Variants in TNKS observed in about 807,000 individuals in gnomAD.
The protein encoded by TNKS is poly [ADP-ribose] polymerase tankyrase-1.
Under a neutral mutation model 135.8 loss-of-function variants are expected in TNKS, and 72 were observed. The ratio of observed to expected loss-of-function variants is 0.53; its 90% confidence interval spans 0.44 to 0.64. The LOEUF is 0.64. TNKS is among the 30% of genes least tolerant of loss of function. TNKS has a pLI of 0.00. For missense variants in TNKS, 1,769 were observed against 1,674.0 expected (o/e 1.06, Z -0.99); for synonymous variants, 849 against 649.3 (o/e 1.31, Z -4.68).
chr8:9,712,336 C>T (rs376541190), intron 11 of TNKS, among the ~76,000 whole-genome samples: 14 of 151,806 alleles, frequency 9.2e-5, no homozygotes, highest in East Asian at 7.8e-4. Flanking sequence ...AAAAATTAGC[C>T]AGTCGTGGTG....
intron 1 of TNKS, among the ~76,000 whole-genome samples, chr8:9,568,061 G>A (rs4604434): frequency 0.034 from 5,117 of 152,264 alleles, 232 homozygotes; most frequent in African/African-American, 0.11. Flanking sequence ...AATCTCTGCA[G>A]TTATGTTGAG....
At chr8:9,656,846 C>T (rs1332751800) in intron 3 of TNKS, among the ~76,000 whole-genome samples, 5 of 140,458 alleles carry the variant, frequency 3.6e-5, no homozygotes, top group African/African-American at 5.4e-5. Flanking sequence ...TGCCTTCAAG[C>T]ATCTGTTTAA....
At chr8:9,632,048 C>T (rs529790823) in intron 3 of TNKS, among the ~76,000 whole-genome samples, 1 of 152,084 alleles carries the variant, frequency 6.6e-6, no homozygotes, top group South Asian at 2.1e-4. Context: ...GTTTGTATTC[C>T]CTGAAAGCTT....
chr8:9,773,280 A>G (rs1808044411), intron 26 of TNKS, among the ~76,000 whole-genome samples: 1 of 152,046 alleles, frequency 6.6e-6, no homozygotes, highest in Non-Finnish European at 1.5e-5. Context: ...AAGCAAAAGC[A>G]GAATTGTTAA....
chr8:9,717,103 T>TATATATATATTTA lies in TNKS; in HGVS notation c.1750-3271_1750-3270insATATATATATTTA, dbSNP rs1554476739. 6.9e-4 allele frequency among the ~76,000 whole-genome samples: 27 copies of TATATATATATTTA among 39,320 alleles called. 2 individuals are homozygous for TATATATATATTTA. The highest frequency in any genetic ancestry group is 6.7e-3 in the South Asian group (8 of 1,196). 25.8% of individuals were successfully genotyped at this position (39,320 alleles called of 152,430 possible). A position where few individuals can be genotyped will look rare whatever the true frequency, so the allele number is the denominator to read the frequency against. On this transcript the variant is annotated intron_variant, in intron 11 of 26. Coordinates refer to ENST00000310430, the MANE Select transcript of TNKS (RefSeq NM_003747.3). ...TATATATATATATATATATATATATTTTCAGGGAATTTGATTGTTTCTTTT... is the reference window on the plus strand; with the variant it reads ...TATATATATATATATATATATATATTATATATATATTTATTCAGGGAATTTGATTGTTTCTTTT...
intron 3 of TNKS, among the ~76,000 whole-genome samples, chr8:9,626,779 T>C (rs1422763968): frequency 6.6e-6 from 1 of 152,246 alleles, no homozygotes; most frequent in Admixed American, 6.5e-5. Flanking sequence ...TTGCTGCCTC[T>C]CCTGTCAGTG....
At position 9,662,496 on chromosome 8, in the gene TNKS, C is replaced by CA. The variant is rs1470192636; in HGVS notation, c.995-17449dup. Among the ~76,000 whole-genome samples the CA allele has an allele frequency of 2.0e-5, 3 of 152,034 alleles. No homozygotes were observed. In the East Asian group the frequency reaches 5.8e-4, roughly 30 times the overall value. Reference sequence around the variant, plus strand: ...CATTCTCAGCAAACTATCGCAAGGACAAAAAACCAAACACCGTATGTTCTG... The same window carrying CA: ...CATTCTCAGCAAACTATCGCAAGGACAAAAAAACCAAACACCGTATGTTCTG... On this transcript the variant is annotated intron_variant, in intron 3 of 26. Coordinates refer to ENST00000310430, the MANE Select transcript of TNKS (RefSeq NM_003747.3).
intron 5 of TNKS, among the ~76,000 whole-genome samples, chr8:9,688,089 G>C (rs1803093169): frequency 1.3e-5 from 2 of 152,150 alleles, no homozygotes; most frequent in South Asian, 4.1e-4. Flanking sequence ...GCTGGATGAT[G>C]TTTTAATATA....
intron 3 of TNKS, 83 bp from the exon 4 acceptor site, chr8:9,679,868 T>G (rs911019466): frequency 1.3e-5 from 15 of 1,153,380 alleles, no homozygotes; most frequent in Non-Finnish European, 2.0e-5. Context: ...TCTTCTCTAT[T>G]TAATTCTCTA....
At chr8:9,562,693 T>C (rs1797382974) in intron 1 of TNKS, among the ~76,000 whole-genome samples, 1 of 152,188 alleles carries the variant, frequency 6.6e-6, no homozygotes, top group South Asian at 2.1e-4. Flanking sequence ...GGTTTTTACT[T>C]ACCTCTTCTA....
chr8:9,731,276 A>G (rs942830832), intron 14 of TNKS, among the ~76,000 whole-genome samples: 6 of 152,100 alleles, frequency 3.9e-5, no homozygotes, highest in African/African-American at 4.8e-5. Context: ...CCTGACCAAC[A>G]TGGGTGAAAC....
At chr8:9,700,940 T>TCCC (rs1563176427) in intron 5 of TNKS, among the ~76,000 whole-genome samples, 5 of 151,170 alleles carry the variant, frequency 3.3e-5, no homozygotes, top group Non-Finnish European at 5.9e-5. Flanking sequence ...TGCCCCCTTT[T>TCCC]TTTTTTTTTT....
intron 20 of TNKS, among the ~76,000 whole-genome samples, chr8:9,758,731 T>G (rs767057636): frequency 6.6e-6 from 1 of 152,170 alleles, no homozygotes; most frequent in Non-Finnish European, 1.5e-5. Context: ...TTGACTGGCC[T>G]TGATTCCTCA....
intron 5 of TNKS, among the ~76,000 whole-genome samples, chr8:9,689,684 A>G (rs985485915): frequency 5.9e-5 from 9 of 152,214 alleles, no homozygotes; most frequent in Non-Finnish European, 1.0e-4. Flanking sequence ...CATTCATTAT[A>G]GAAATGCAGA....
chr8:9,773,668 T>G (rs1585458032), intron 26 of TNKS, among the ~76,000 whole-genome samples: 2 of 152,238 alleles, frequency 1.3e-5, no homozygotes, highest in South Asian at 4.1e-4. Context: ...GATAATTTAG[T>G]CAGAGTGTCT....
chr8:9,731,230 C>T (rs1157398600), intron 14 of TNKS, among the ~76,000 whole-genome samples, 195 bp downstream of exon 14: 6 of 152,088 alleles, frequency 3.9e-5, no homozygotes, highest in East Asian at 1.9e-4. Context: ...GAGGCGAAGG[C>T]GGGCAGATCA....
chr8:9,699,873 C>T (rs1226846050), intron 5 of TNKS, among the ~76,000 whole-genome samples: 1 of 152,222 alleles, frequency 6.6e-6, no homozygotes, highest in Non-Finnish European at 1.5e-5. Context: ...AGTGATTTCT[C>T]ATTATTCTTA....
chr8:9,732,174 G>A lies in TNKS; in HGVS notation c.2148-1105G>A, dbSNP rs374242395. Among the ~76,000 whole-genome samples the A allele has an allele frequency of 2.0e-3, 312 of 152,300 alleles. 8 individuals are homozygous for A. The South Asian group carries it at 0.062, about 30-fold the overall frequency. ...AATGTACAGTCTCTTCTAAAAAGAA[G>A]TCATCCATCCCAAAGACATCAGTAT... On this transcript the variant is annotated intron_variant, in intron 14 of 26. Coordinates refer to ENST00000310430, the MANE Select transcript of TNKS (RefSeq NM_003747.3).
chr8:9,735,304 T>C (rs1185515322), intron 16 of TNKS, 73 bp from the exon 17 acceptor site: 5 of 1,378,386 alleles, frequency 3.6e-6, no homozygotes, highest in African/African-American at 2.9e-5. Context: ...CATTTTCTGG[T>C]CCTTATTACA....
Sources: gnomAD v4.1 joint callset for allele counts (sites outside exome capture counted in the v4.1 genomes callset) on GRCh38, gnomAD v4.1.1 for gene constraint, MANE v1.5 for transcripts, NCBI Gene and HGNC (gene_info 2026-07-23, HGNC 2026-07-21) for gene names.